The following ITFG1 variants were observed in gnomAD, a reference collection of about 807,000 sequenced individuals.
ITFG1 encodes integrin alpha FG-GAP repeat containing 1.
Under a neutral mutation model 81.8 loss-of-function variants are expected in ITFG1, and 34 were observed. The observed-to-expected ratio is 0.42, with a 90% CI of 0.32 to 0.55. ITFG1 has a LOEUF of 0.55. ITFG1 is among the 20% of genes least tolerant of loss of function. ITFG1 has a pLI of 0.17. For missense variants in ITFG1, 672 were observed against 755.4 expected, an observed-to-expected ratio of 0.89 and a Z score of 1.29; for synonymous variants, 285 against 270.6, an observed-to-expected ratio of 1.05 and a Z score of -0.52.
chr16:47,378,723 A>G (rs931954937), intron 6 of ITFG1, among the ~76,000 whole-genome samples: 5 of 152,302 alleles, frequency 3.3e-5, no homozygotes, highest in Middle Eastern at 3.4e-3. Context: ...AGGGGCATAG[A>G]AAAAATAAAT....
intron 6 of ITFG1, among the ~76,000 whole-genome samples, chr16:47,387,645 C>G (rs1353220154): frequency 6.6e-6 from 1 of 152,278 alleles, no homozygotes; most frequent in South Asian, 2.1e-4. Flanking sequence ...GTTTGGAAGG[C>G]CTGCCTTGCG....
chr16:47,222,164 T>C (rs1965699614), intron 13 of ITFG1, among the ~76,000 whole-genome samples: 1 of 151,806 alleles, frequency 6.6e-6, no homozygotes, highest in Admixed American at 6.6e-5. Context: ...TTCTAGTTCT[T>C]TTAATTGTGA....
intron 8 of ITFG1, among the ~76,000 whole-genome samples, chr16:47,360,740 C>T (rs1345580772): frequency 6.6e-6 from 1 of 152,078 alleles, no homozygotes; most frequent in Non-Finnish European, 1.5e-5. Flanking sequence ...CAAACATGAA[C>T]AAGAAACAAT....
chr16:47,312,571 TTTATA>T (rs1249272238), intron 9 of ITFG1: 2 of 152,168 alleles, frequency 1.3e-5, no homozygotes, highest in African/African-American at 4.8e-5. Context: ...ACAGTATTAT[TTTATA>T]TATCATTAAA....
chr16:47,170,024 G>A (rs1964938133), intron 14 of ITFG1, among the ~76,000 whole-genome samples: 1 of 152,140 alleles, frequency 6.6e-6, no homozygotes, highest in Non-Finnish European at 1.5e-5. Context: ...TTGCATTCCT[G>A]GGACAAGTCC....
At chr16:47,441,992 C>T (rs528622527) in intron 5 of ITFG1, among the ~76,000 whole-genome samples, 1 of 152,138 alleles carries the variant, frequency 6.6e-6, no homozygotes, top group South Asian at 2.1e-4. Context: ...TCTCAGGATA[C>T]AAAATCAATG....
intron 4 of ITFG1, among the ~76,000 whole-genome samples, chr16:47,451,795 G>A (rs1161637329): frequency 3.9e-5 from 6 of 152,186 alleles, no homozygotes; most frequent in Non-Finnish European, 8.8e-5. Flanking sequence ...AGAGCCTGTT[G>A]TTGACCCACA....
At chr16:47,274,144 C>T (rs1489459075) in intron 10 of ITFG1, among the ~76,000 whole-genome samples, 4 of 152,016 alleles carry the variant, frequency 2.6e-5, no homozygotes, top group Non-Finnish European at 5.9e-5. Flanking sequence ...GTAATCCCAA[C>T]TACTCGGGAG....
intron 6 of ITFG1, among the ~76,000 whole-genome samples, chr16:47,409,120 A>G (rs1274602760): frequency 6.6e-6 from 1 of 151,568 alleles, no homozygotes. Flanking sequence ...CTTGTGGCCT[A>G]GGGGAAAATT....
At chr16:47,292,270 C>T (rs982697443) in intron 10 of ITFG1, among the ~76,000 whole-genome samples, 4 of 152,180 alleles carry the variant, frequency 2.6e-5, no homozygotes, top group Non-Finnish European at 5.9e-5. Flanking sequence ...CCTTGGCTTT[C>T]CAAAGTGCTG....
intron 13 of ITFG1, among the ~76,000 whole-genome samples, chr16:47,220,911 A>G (rs1965682846): frequency 6.6e-6 from 1 of 152,192 alleles, no homozygotes; most frequent in Non-Finnish European, 1.5e-5. Context: ...GAATCCAAGG[A>G]GCACTCATTT....
chr16:47,256,120 C>T (rs757446016), intron 12 of ITFG1, among the ~76,000 whole-genome samples: 32 of 152,156 alleles, frequency 2.1e-4, no homozygotes, highest in African/African-American at 7.5e-4. Flanking sequence ...CGCGTCACCA[C>T]GCCCAACTAA....
At chr16:47,344,259 T>C (rs1967821977) in intron 8 of ITFG1, among the ~76,000 whole-genome samples, 1 of 152,208 alleles carries the variant, frequency 6.6e-6, no homozygotes, top group Admixed American at 6.5e-5. Context: ...ATGGTTAAAA[T>C]GGCAAATTTT....
chr16:47,218,961 A>AC lies in ITFG1; in HGVS notation c.1375-16_1375-15insG. 3.3e-6 allele frequency: 5 copies of AC among 1,537,150 alleles called. No individual in the cohort carries two copies. The South Asian group carries it at 6.1e-5, about 19-fold the overall frequency. ...ACTCCAAAGGGCTGCAATAGAAAAA[A>AC]AAAATAGTTAAGGCTTGGAAAATAA... On this transcript the variant is annotated splice_polypyrimidine_tract_variant and intron_variant, in intron 13 of 17. Transcript: ENST00000320640.
chr16:47,190,617 A>G (rs1392899552), intron 14 of ITFG1, among the ~76,000 whole-genome samples: 1 of 151,820 alleles, frequency 6.6e-6, no homozygotes, highest in Non-Finnish European at 1.5e-5. Context: ...TTTCCTATCC[A>G]CTCATGCCTG....
At chr16:47,239,015 A>G (rs1965904717) in intron 12 of ITFG1, among the ~76,000 whole-genome samples, 1 of 152,128 alleles carries the variant, frequency 6.6e-6, no homozygotes, top group South Asian at 2.1e-4. Flanking sequence ...TAATGCCTTG[A>G]CAAAAGAGGC....
intron 12 of ITFG1, among the ~76,000 whole-genome samples, chr16:47,253,803 G>A (rs1394303014): frequency 6.6e-6 from 1 of 152,168 alleles, no homozygotes; most frequent in African/African-American, 2.4e-5. Context: ...TATAAATACA[G>A]GGGAAGCTTT....
intron 7 of ITFG1, 36 bp from the exon 8 acceptor site, chr16:47,365,905 T>G (rs1968171714): frequency 9.5e-7 from 1 of 1,051,590 alleles, no homozygotes; most frequent in Non-Finnish European, 1.5e-6. Context: ...TAGACCATCT[T>G]AATCCACTCA....
intron 7 of ITFG1, among the ~76,000 whole-genome samples, chr16:47,370,587 G>A (rs773905251): frequency 5.3e-5 from 8 of 152,202 alleles, no homozygotes; most frequent in African/African-American, 1.4e-4. Context: ...CTATGCTCCC[G>A]TTGTCCAAAC....
Sources: gnomAD v4.1 joint callset for allele counts (sites outside exome capture counted in the v4.1 genomes callset) on GRCh38, gnomAD v4.1.1 for gene constraint, MANE v1.5 for transcripts, NCBI Gene and HGNC (gene_info 2026-07-23, HGNC 2026-07-21) for gene names.